The following BRAF variants were observed in gnomAD, a reference collection of about 807,000 sequenced individuals.
BRAF encodes the protein B-Raf proto-oncogene, serine/threonine kinase, also known as serine/threonine-protein kinase B-raf.
Under a neutral mutation model 104.6 loss-of-function variants are expected in BRAF, and 16 were observed. That is an observed-to-expected ratio of 0.15 (90% CI 0.10 to 0.23). The LOEUF (loss-of-function observed/expected upper bound fraction) is 0.23. Ranked by LOEUF, BRAF falls within the 10% of genes least tolerant of loss-of-function variation. The probability of loss-of-function intolerance (pLI) is 1.00; values close to 1 mark genes in which losing one functional copy is unlikely to be tolerated. For missense variants in BRAF, 541 were observed against 937.3 expected (o/e 0.58, Z 5.52); for synonymous variants, 310 against 341.6 (o/e 0.91, Z 1.02).
intron 8 of BRAF, among the ~76,000 whole-genome samples, chr7:140,788,126 T>A (rs1411188306): frequency 1.3e-5 from 2 of 152,172 alleles, no homozygotes; most frequent in Non-Finnish European, 1.5e-5. Context: ...ATCCTGCACA[T>A]GTACCCCTGA....
chr7:140,891,629 G>A (rs1814229185), intron 1 of BRAF, among the ~76,000 whole-genome samples: 1 of 152,138 alleles, frequency 6.6e-6, no homozygotes, highest in African/African-American at 2.4e-5. Flanking sequence ...TCTTTGCTGT[G>A]TAGGACTTTT....
At chr7:140,817,085 A>T (rs539380945) in intron 3 of BRAF, among the ~76,000 whole-genome samples, 1 of 152,192 alleles carries the variant, frequency 6.6e-6, no homozygotes, top group Non-Finnish European at 1.5e-5. Context: ...AAAAACAATT[A>T]TAACTGACAA....
intron 5 of BRAF, among the ~76,000 whole-genome samples, chr7:140,803,401 A>G (rs2129045482): frequency 6.6e-6 from 1 of 152,316 alleles, no homozygotes; most frequent in South Asian, 2.1e-4. Context: ...AGCTGACAGA[A>G]TCAGAACCCC....
chr7:140,735,344 C>T (rs998168458), intron 18 of BRAF, among the ~76,000 whole-genome samples: 5 of 152,106 alleles, frequency 3.3e-5, no homozygotes, highest in African/African-American at 1.2e-4. Context: ...TAGGAGAACT[C>T]GACAAATAGA....
chr7:140,815,511 G>A (rs1326666600), intron 3 of BRAF, among the ~76,000 whole-genome samples: 1 of 143,552 alleles, frequency 7.0e-6, no homozygotes, highest in Non-Finnish European at 1.5e-5. Context: ...TAGAATCACT[G>A]CAAACTCCAC....
At chr7:140,802,597 TTG>T (rs1377496214) in intron 5 of BRAF, among the ~76,000 whole-genome samples, 3 of 152,060 alleles carry the variant, frequency 2.0e-5, no homozygotes, top group Non-Finnish European at 2.9e-5. Flanking sequence ...CGTGTGCAGC[TTG>T]TGTCTTCATT....
chr7:140,785,370 C>T (rs1267889294), intron 10 of BRAF, among the ~76,000 whole-genome samples: 1 of 152,148 alleles, frequency 6.6e-6, no homozygotes, highest in African/African-American at 2.4e-5. Flanking sequence ...CTTCCCCACC[C>T]ACCTTATTTA....
intron 14 of BRAF, among the ~76,000 whole-genome samples, chr7:140,768,525 C>T (rs1799543382): frequency 6.6e-6 from 1 of 152,096 alleles, no homozygotes; most frequent in East Asian, 1.9e-4. Flanking sequence ...CAGGGTCTCA[C>T]TTTGTCACCC....
At chr7:140,797,700 C>T (rs926301855) in intron 7 of BRAF, among the ~76,000 whole-genome samples, 5 of 152,142 alleles carry the variant, frequency 3.3e-5, no homozygotes, top group African/African-American at 9.7e-5. Context: ...GGATCATTAC[C>T]ATTATAAACC....
chr7:140,816,933 C>A (rs28612236), intron 3 of BRAF, among the ~76,000 whole-genome samples: 4,175 of 151,244 alleles, frequency 0.028, 203 homozygotes, highest in African/African-American at 0.094. Flanking sequence ...CACTGTTATT[C>A]GACACACTAT....
In BRAF at chr7:140,734,786, G is replaced by GAAAAAAAAAAGA; in HGVS notation, c.2248-28_2248-17dup. The GAAAAAAAAAAGA allele has an allele frequency of 1.2e-6, 1 of 821,500 alleles. No individual in the cohort carries two copies. The highest frequency in any genetic ancestry group is 1.5e-6 in the Non-Finnish European group (1 of 662,048). The allele number at this position is 821,500 out of a possible 1,614,324, so 50.9% of individuals were successfully genotyped here. ...AGGCGAGAATCTACAAAAAAAAAAA[G>GAAAAAAAAAAGA]AAAAAAAAAAGAAAAAAAAAGAAAA... is the stretch of plus-strand genomic sequence containing the variant. On this transcript the variant is annotated splice_polypyrimidine_tract_variant and intron_variant, in intron 18 of 19. Transcript: ENST00000644969.
chr7:140,921,357 T>TA (rs1818202071), intron 1 of BRAF, among the ~76,000 whole-genome samples: 1 of 152,182 alleles, frequency 6.6e-6, no homozygotes, highest in African/African-American at 2.4e-5. Flanking sequence ...TAAGCACTAA[T>TA]CATTTACCAG....
At chr7:140,879,412 C>T (rs1415499141) in intron 1 of BRAF, among the ~76,000 whole-genome samples, 1 of 151,602 alleles carries the variant, frequency 6.6e-6, no homozygotes, top group African/African-American at 2.4e-5. Context: ...GATCTCTTGA[C>T]CTTGTGATCT....
At chr7:140,835,213 CTG>C (rs1807196383) in intron 2 of BRAF, 1 of 241,986 alleles carries the variant, frequency 4.1e-6, no homozygotes, top group African/African-American at 2.3e-5. Flanking sequence ...AGATAAAACA[CTG>C]TATCAAGGAA....
Position 140,722,743 on chromosome 7 carries a change from T to C in BRAF, c.*3751A>G. The stretch of plus-strand genomic sequence containing the variant: ...CTGCAGCAAACTCATTATGAGGATG[T>C]ACTGTCATGCCAAGCCTACTGAAAA... On this transcript the variant is annotated 3_prime_UTR_variant, in exon 20 of 20. Coordinates refer to ENST00000644969, the MANE Select transcript of BRAF (RefSeq NM_001374258.1). 9.5e-7 allele frequency: 1 copy of C among 1,050,586 alleles called. No homozygotes were observed. Among genetic ancestry groups the C allele is most frequent in the Non-Finnish European group, 1.1e-6 (1 of 870,130 alleles). The allele number at this position is 1,050,586 out of a possible 1,614,324, so 65.1% of individuals were successfully genotyped here.
chr7:140,846,797 G>C (rs1399579183), intron 2 of BRAF, among the ~76,000 whole-genome samples: 1 of 152,106 alleles, frequency 6.6e-6, no homozygotes, highest in East Asian at 1.9e-4. Context: ...TTCACTGATG[G>C]GCCTTTAAAT....
Position 140,749,407 on chromosome 7 carries a change from G to T in BRAF, c.1992C>A (p.Val664=). 6.2e-7 allele frequency: 1 copy of T among 1,612,872 alleles called. No homozygotes were observed. The highest frequency in any genetic ancestry group is 1.1e-5 in the South Asian group (1 of 91,018). ...ATGGATTTTTATCTTGCATTCTGAT[G>T]ACTTCTGGTGCCTGTTAGAACATAC... ...SGSILWMAPE[V]IRMQDKNPYS... Residue 664 remains valine, a synonymous_variant, in exon 17 of 20, where the codon GTC becomes GTA. Coordinates refer to ENST00000644969, the MANE Select transcript of BRAF (RefSeq NM_001374258.1).
intron 19 of BRAF, chr7:140,731,395 G>A (rs562858728): frequency 5.3e-5 from 8 of 152,310 alleles, no homozygotes; most frequent in Non-Finnish European, 1.2e-4. Flanking sequence ...ACAGTCACAG[G>A]AAAGATGAAA....
chr7:140,759,476 T>C (rs895397935), intron 14 of BRAF, among the ~76,000 whole-genome samples: 1 of 152,220 alleles, frequency 6.6e-6, no homozygotes, highest in Non-Finnish European at 1.5e-5. Flanking sequence ...AACCTCTGCC[T>C]CCCGGGTTCA....
Sources: allele counts gnomAD v4.1 joint callset (sites outside exome capture counted in the v4.1 genomes callset), GRCh38; gene constraint gnomAD v4.1.1; transcripts MANE v1.5; gene names NCBI Gene and HGNC (gene_info 2026-07-23, HGNC 2026-07-21).